GTF2IRD2: variants seen among roughly 807,000 people sequenced by gnomAD.
GTF2IRD2 encodes the protein general transcription factor II-I repeat domain-containing protein 2A.
Under a neutral mutation model 49.2 loss-of-function variants are expected in GTF2IRD2, and 8 were observed. The ratio of observed to expected loss-of-function variants is 0.16; its 90% confidence interval spans 0.10 to 0.29. The LOEUF (loss-of-function observed/expected upper bound fraction) is 0.29. Among genes scored for constraint, GTF2IRD2 ranks in the 10% least tolerant of loss-of-function variants. GTF2IRD2 has a pLI of 1.00. For missense variants in GTF2IRD2, 130 were observed against 725.7 expected (o/e 0.18, Z 9.43); for synonymous variants, 47 against 289.7 (o/e 0.16, Z 8.51).
At position 74,797,644 on chromosome 7, in the gene GTF2IRD2, G is replaced by A. The variant is rs782090520; in HGVS notation, c.1868C>T (p.Ala623Val). 6.9e-6 allele frequency: 11 copies of A among 1,605,440 alleles called. No individual in the cohort carries two copies. The highest frequency in any genetic ancestry group is 3.4e-5 in the Admixed American group (2 of 58,902). ...LVSVASTGTP[A>V]MVDANNGLVT... is the part of the protein sequence containing the mutation. ...AAGCCCGTTATTGGCATCCACCATC[G>A]CTGGGGTGCCAGTGGAGGCCACGCT... The change falls in exon 16 of 16, where the codon GCG becomes GTG. Residue 623 changes from alanine (A) to valine (V), a missense_variant. By Grantham distance (64) the Ala-to-Val change is moderately conservative. Coordinates refer to ENST00000451013, the MANE Select transcript of GTF2IRD2 (RefSeq NM_173537.5).
intron 3 of GTF2IRD2, among the ~76,000 whole-genome samples, chr7:74,831,384 CCTCT>C (rs1292530260): frequency 2.0e-5 from 3 of 149,298 alleles, no homozygotes; most frequent in East Asian, 3.9e-4. Context: ...GTATATAATT[CCTCT>C]CTCTTATTTA....
At chr7:74,831,264 C>T (rs1340177121) in intron 3 of GTF2IRD2, among the ~76,000 whole-genome samples, 1 of 150,444 alleles carries the variant, frequency 6.6e-6, no homozygotes, top group Non-Finnish European at 1.5e-5. Context: ...TATATAATTC[C>T]TGTCTCCCTT....
intron 3 of GTF2IRD2, among the ~76,000 whole-genome samples, chr7:74,831,434 CACAG>C (rs1269833449): frequency 1.3e-5 from 2 of 150,776 alleles, no homozygotes; most frequent in African/African-American, 4.9e-5. Flanking sequence ...CTTATACACA[CACAG>C]ACACACACAC....
rs1554416178 is a variant in GTF2IRD2 at position 74,796,708 on chromosome 7, T to C, written c.2804A>G (p.Gln935Arg). The C allele has an allele frequency of 1.6e-6, 1 of 634,414 alleles. No homozygotes were observed. Among genetic ancestry groups the C allele is most frequent in the East Asian group, 2.7e-5 (1 of 37,574 alleles). 39.3% of individuals were successfully genotyped at this position (634,414 alleles called of 1,614,324 possible). The part of the protein sequence containing the change: ...MKLSKTKYCS[Q>R]LKDSQWDSVL... ...AGAATCCCACTGGGAATCCTTTAAC[T>C]GGGAGCAGTATTTTGTTTTGCTCAG... Residue 935 changes from glutamine (Q) to arginine (R), a missense_variant, in exon 16 of 16, where the codon CAG becomes CGG. Physicochemically the swap from Gln to Arg is conservative, Grantham distance 43. Transcript: ENST00000451013.
At chr7:74,829,991 CAT>C (rs1286063820) in intron 3 of GTF2IRD2, among the ~76,000 whole-genome samples, 1 of 150,222 alleles carries the variant, frequency 6.7e-6, no homozygotes, top group Non-Finnish European at 1.5e-5. Context: ...GATTTCAAAA[CAT>C]ATTATAAAGT....
At chr7:74,818,998 C>T (rs1798698887) in intron 8 of GTF2IRD2, 2 of 162,804 alleles carry the variant, frequency 1.2e-5, no homozygotes. Context: ...GATCTTGGCT[C>T]ACTGCAACCT....
chr7:74,829,892 A>AAACAAAACAAAAC (rs1436434412), intron 3 of GTF2IRD2, among the ~76,000 whole-genome samples: 1 of 22,490 alleles, frequency 4.4e-5, no homozygotes, highest in African/African-American at 7.2e-5. Context: ...TGTCTCAAAA[A>AAACAAAACAAAAC]AAAAAAAAAA....
intron 8 of GTF2IRD2, chr7:74,818,934 T>C (rs587668993): frequency 6.8e-6 from 1 of 146,604 alleles, no homozygotes; most frequent in East Asian, 1.9e-4. Flanking sequence ...TTTGTTTTTG[T>C]TTTTTTTTGA....
chr7:74,801,876 AC>A (rs1774449787), intron 15 of GTF2IRD2, 108 bp downstream of exon 15: 2 of 25,030 alleles, frequency 8.0e-5, no homozygotes, highest in South Asian at 5.0e-4. Flanking sequence ...AAGGCTGCAT[AC>A]TTGGGTCCCA....
chr7:74,815,866 G>GAA (rs1328337117), intron 8 of GTF2IRD2, among the ~76,000 whole-genome samples: 25 of 83,478 alleles, frequency 3.0e-4, no homozygotes, highest in African/African-American at 5.5e-4. Flanking sequence ...AAGAAAGAAA[G>GAA]AGAAAATAAA....
At chr7:74,836,431 AC>A in intron 1 of GTF2IRD2, 48 bp from the exon 2 acceptor site, 1 of 1,386,882 alleles carries the variant, frequency 7.2e-7, no homozygotes, top group Non-Finnish European at 1.0e-6. Context: ...AGAGTCTGAA[AC>A]CCACATTTAG....
At chr7:74,825,789 T>C (rs1799325450) in intron 3 of GTF2IRD2, among the ~76,000 whole-genome samples, 1 of 147,154 alleles carries the variant, frequency 6.8e-6, no homozygotes, top group South Asian at 2.1e-4. Flanking sequence ...AAGTATAGTT[T>C]TCTTTCTTTC....
At chr7:74,840,044 C>T (rs1309692782) in intron 1 of GTF2IRD2, among the ~76,000 whole-genome samples, 2 of 146,468 alleles carry the variant, frequency 1.4e-5, no homozygotes, top group Non-Finnish European at 3.0e-5. Context: ...CAAGGGGCAC[C>T]CCTGGTGATG....
At chr7:74,809,742 G>A (rs1437139225) in intron 10 of GTF2IRD2, among the ~76,000 whole-genome samples, 6 of 125,164 alleles carry the variant, frequency 4.8e-5, no homozygotes, top group Non-Finnish European at 1.1e-4. Context: ...CCTGTAAATG[G>A]CAAAGATGTC....
Position 74,798,422 on chromosome 7 carries a change from C to T in GTF2IRD2, c.1247-157G>A, listed in dbSNP as rs587611217. ...GGTGACCCACCCTGCAGAGGGACGG[C>T]TGACCCTCAACTCCAGCAAACCGCT... On this transcript the variant is annotated intron_variant, in intron 15 of 15. Transcript: ENST00000451013. Among the ~76,000 whole-genome samples, 13 of 151,690 alleles carry T rather than the reference C, an allele frequency of 8.6e-5. No individual in the cohort carries two copies. The East Asian group carries it at 2.2e-3, about 25-fold the overall frequency.
intron 5 of GTF2IRD2, 24 bp downstream of exon 5, chr7:74,822,600 G>T: frequency 1.8e-6 from 1 of 563,144 alleles, no homozygotes; most frequent in Non-Finnish European, 3.1e-6. Flanking sequence ...TGAACTGAAG[G>T]GGCGGGGGTG....
chr7:74,836,846 G>A (rs1282222282), intron 1 of GTF2IRD2, among the ~76,000 whole-genome samples: 1 of 147,178 alleles, frequency 6.8e-6, no homozygotes, highest in Non-Finnish European at 1.5e-5. Context: ...GATTATAGGT[G>A]TGAGCCACCA....
chr7:74,840,067 C>CTT (rs1165672995), intron 1 of GTF2IRD2, among the ~76,000 whole-genome samples: 1,088 of 70,126 alleles, frequency 0.016, 191 homozygotes, highest in African/African-American at 0.051. Flanking sequence ...GGTCCTATGT[C>CTT]TTTTTTTTTT....
intron 6 of GTF2IRD2, chr7:74,821,988 A>G (rs587633026): frequency 6.5e-5 from 19 of 291,340 alleles, no homozygotes; most frequent in African/African-American, 3.7e-4. Context: ...GTGTGCCACA[A>G]TGGCTTGCTG....
Sources: gnomAD v4.1 joint callset for allele counts (sites outside exome capture counted in the v4.1 genomes callset) on GRCh38, gnomAD v4.1.1 for gene constraint, MANE v1.5 for transcripts, NCBI Gene and HGNC (gene_info 2026-07-23, HGNC 2026-07-21) for gene names.